Variants in VAV2 observed in about 807,000 individuals in gnomAD.
VAV2 encodes the protein guanine nucleotide exchange factor VAV2.
A neutral mutation model predicts 132.5 loss-of-function variants in VAV2; 67 were observed. That is an observed-to-expected ratio of 0.51 (90% confidence interval 0.42 to 0.62). The LOEUF (loss-of-function observed/expected upper bound fraction) is 0.62, where lower values mean the gene tolerates loss of function less well. Among genes scored for constraint, VAV2 ranks in the 20% least tolerant of loss-of-function variants. VAV2 has a pLI of 0.00. For missense variants in VAV2, 938 were observed against 1,153.6 expected (o/e 0.81, Z 2.71); for synonymous variants, 492 against 443.5 (o/e 1.11, Z -1.37).
At chr9:133,845,240 C>T (rs767067643) in intron 3 of VAV2, among the ~76,000 whole-genome samples, 4 of 152,216 alleles carry the variant, frequency 2.6e-5, no homozygotes, top group East Asian at 1.9e-4. Flanking sequence ...TGGGCCAGGC[C>T]GGGGACTGAA....
chr9:133,888,836 T>C (rs1838814560), intron 2 of VAV2, among the ~76,000 whole-genome samples: 1 of 152,236 alleles, frequency 6.6e-6, no homozygotes, highest in South Asian at 2.1e-4. Context: ...GCAAGATTAA[T>C]TGTGTGCACA....
Position 133,913,107 on chromosome 9 carries a change from T to C in VAV2, c.321+25996A>G, listed in dbSNP as rs977059066. Among the ~76,000 whole-genome samples the C allele has an allele frequency of 6.6e-5, 10 of 152,112 alleles. No homozygotes were observed. In the South Asian group the frequency reaches 1.7e-3, roughly 25 times the overall value. ...TTGGGTGGAGCCCTTTGCCCCCTCT[T>C]CCTCTCCAGGGAGCTGGCACTCTGA... On this transcript the variant is annotated intron_variant, in intron 2 of 29. Coordinates refer to ENST00000371850, the MANE Select transcript of VAV2 (RefSeq NM_001134398.2).
chr9:133,911,165 C>T (rs77658887), intron 2 of VAV2, among the ~76,000 whole-genome samples: 3,716 of 152,264 alleles, frequency 0.024, 66 homozygotes, highest in African/African-American at 0.043. Context: ...CACTGGGGAC[C>T]GGAAGCACAT....
At chr9:133,789,168 G>C in intron 14 of VAV2, 90 bp downstream of exon 14, 3 of 1,399,428 alleles carry the variant, frequency 2.1e-6, no homozygotes, top group Non-Finnish European at 3.0e-6. Context: ...GGAAGGCCTG[G>C]CTTCCAGAGC....
intron 1 of VAV2, among the ~76,000 whole-genome samples, chr9:133,952,370 G>A (rs559364581): frequency 2.6e-5 from 4 of 152,248 alleles, no homozygotes; most frequent in East Asian, 1.9e-4. Flanking sequence ...TTGGGAGGCC[G>A]AGGCAAGCAG....
At chr9:133,878,451 G>A (rs1356377433) in intron 2 of VAV2, among the ~76,000 whole-genome samples, 1 of 152,242 alleles carries the variant, frequency 6.6e-6, no homozygotes, top group Non-Finnish European at 1.5e-5. Flanking sequence ...GAGTGAGGCA[G>A]AGTCTTGGTT....
Position 133,863,732 on chromosome 9 carries a change from G to C in VAV2, c.322-2300C>G, listed in dbSNP as rs1428169771. Among the ~76,000 whole-genome samples, 4 of 152,188 alleles carry C rather than the reference G, an allele frequency of 2.6e-5. No homozygotes were observed. Among genetic ancestry groups the C allele is most frequent in the Non-Finnish European group, 5.9e-5 (4 of 68,028 alleles). On this transcript the variant is annotated intron_variant, in intron 2 of 29. Coordinates refer to ENST00000371850, the MANE Select transcript of VAV2 (RefSeq NM_001134398.2). This position sits in a 1 kb window ranked among gnomAD's most constrained non-coding sequence, Gnocchi z 5.0. ...GGCCCTCCATCGGCCTGAATTTCAG[G>C]CTTCCTAGCTGGCACTGGGGATGGG...
chr9:133,982,685 G>T (rs1842736435), intron 1 of VAV2, among the ~76,000 whole-genome samples: 1 of 152,148 alleles, frequency 6.6e-6, no homozygotes, highest in Admixed American at 6.5e-5. Flanking sequence ...GGTTTTGGAG[G>T]CCCCACTGCC....
intron 1 of VAV2, among the ~76,000 whole-genome samples, chr9:133,987,626 G>A (rs1354084706): frequency 6.6e-6 from 1 of 152,228 alleles, no homozygotes; most frequent in Non-Finnish European, 1.5e-5. Context: ...AGCAATGGCT[G>A]CCTGATGTGT....
chr9:133,818,815 C>T (rs143829957), intron 4 of VAV2, among the ~76,000 whole-genome samples: 302 of 152,204 alleles, frequency 2.0e-3, no homozygotes, highest in Admixed American at 3.0e-3. Context: ...CTGTTTCTTG[C>T]GTTTGGTGAT....
intron 1 of VAV2, among the ~76,000 whole-genome samples, chr9:133,967,008 C>T (rs553279878): frequency 1.5e-5 from 2 of 135,924 alleles, no homozygotes; most frequent in African/African-American, 5.4e-5. Context: ...GCACTCCAGC[C>T]TAGGTGACTG....
chr9:133,942,796 AG>A (rs1025138861), intron 1 of VAV2, among the ~76,000 whole-genome samples: 3 of 152,150 alleles, frequency 2.0e-5, no homozygotes, highest in Non-Finnish European at 4.4e-5. Context: ...ACCTTTAAGA[AG>A]TCCTCCTGGT....
intron 6 of VAV2, among the ~76,000 whole-genome samples, chr9:133,809,437 A>G (rs546756982): frequency 1.2e-4 from 18 of 152,286 alleles, no homozygotes; most frequent in Middle Eastern, 3.4e-3. Context: ...CTGATTCTGA[A>G]TCTCGATTCT....
At chr9:133,892,749 C>G (rs1445588470) in intron 2 of VAV2, among the ~76,000 whole-genome samples, 3 of 152,146 alleles carry the variant, frequency 2.0e-5, no homozygotes, top group Non-Finnish European at 4.4e-5. Context: ...AGAGGACTCA[C>G]AGGCCAGAGA....
chr9:133,845,831 G>A (rs1169371548), intron 3 of VAV2, among the ~76,000 whole-genome samples: 1 of 152,240 alleles, frequency 6.6e-6, no homozygotes, highest in African/African-American at 2.4e-5. Flanking sequence ...AGTCCCAGCA[G>A]AGAGCAGGTT....
At chr9:133,944,622 A>G (rs1841294201) in intron 1 of VAV2, among the ~76,000 whole-genome samples, 1 of 152,232 alleles carries the variant, frequency 6.6e-6, no homozygotes, top group Non-Finnish European at 1.5e-5. Context: ...CCAAGCAGTG[A>G]GCTCATGGGT....
At chr9:133,907,052 G>A (rs565778042) in intron 2 of VAV2, among the ~76,000 whole-genome samples, 17 of 152,192 alleles carry the variant, frequency 1.1e-4, no homozygotes, top group Non-Finnish European at 2.4e-4. Flanking sequence ...GGCGGCGGGG[G>A]GAGGGACAAG....
At chr9:133,779,843 A>T (rs1318547301) in intron 21 of VAV2, 75 bp downstream of exon 21, 2 of 1,573,280 alleles carry the variant, frequency 1.3e-6, no homozygotes, top group East Asian at 4.5e-5. Flanking sequence ...CCATCACCAC[A>T]CCTAGGCCCT....
chr9:133,825,321 G>A (rs960334157), intron 4 of VAV2, among the ~76,000 whole-genome samples: 2 of 152,142 alleles, frequency 1.3e-5, no homozygotes, highest in Non-Finnish European at 2.9e-5. Flanking sequence ...AGGGAGGGAC[G>A]GGGGGATGCC....
Sources: gnomAD v4.1 joint callset for allele counts (sites outside exome capture counted in the v4.1 genomes callset) on GRCh38, gnomAD v4.1.1 for gene constraint, Gnocchi (gnomAD v3.1) non-coding constraint, MANE v1.5 for transcripts, NCBI Gene and HGNC (gene_info 2026-07-23, HGNC 2026-07-21) for gene names.